RBKS: variants seen among roughly 807,000 people sequenced by gnomAD.
RBKS encodes the protein ribokinase.
In RBKS, 33 loss-of-function variants were observed where a neutral mutation model predicts 33.9. The observed-to-expected ratio is 0.97, with a 90% CI of 0.74 to 1.30. The LOEUF (loss-of-function observed/expected upper bound fraction) is 1.30, where lower values mean the gene tolerates loss of function less well. RBKS is among the 50% of genes most tolerant of loss of function. The pLI is 0.00. For missense variants in RBKS, 361 were observed against 392.6 expected, an observed-to-expected ratio of 0.92 and a Z score of 0.68; for synonymous variants, 125 against 143.0, an observed-to-expected ratio of 0.87 and a Z score of 0.90.
intron 7 of RBKS, among the ~76,000 whole-genome samples, chr2:27,825,164 A>T (rs964057657): frequency 2.0e-5 from 3 of 151,892 alleles, no homozygotes; most frequent in African/African-American, 7.3e-5. Flanking sequence ...AATTTTAGAT[A>T]TTATCTCTTG....
chr2:27,850,536 T>C (rs993457258), intron 2 of RBKS, among the ~76,000 whole-genome samples: 1 of 152,258 alleles, frequency 6.6e-6, no homozygotes, highest in Non-Finnish European at 1.5e-5. Flanking sequence ...TCCATAGTTT[T>C]GCCTTTTCCA....
At chr2:27,877,253 T>C (rs112087863) in intron 1 of RBKS, among the ~76,000 whole-genome samples, 660 of 152,160 alleles carry the variant, frequency 4.3e-3, no homozygotes, top group Middle Eastern at 0.014. Context: ...ATTATAAATA[T>C]CTTTGTTACA....
chr2:27,849,576 A>AG (rs1281030321), intron 2 of RBKS, among the ~76,000 whole-genome samples: 1 of 147,834 alleles, frequency 6.8e-6, no homozygotes, highest in Non-Finnish European at 1.5e-5. Flanking sequence ...AAAAAAAAAA[A>AG]AAAAAAAAAA....
chr2:27,844,830 C>T lies in RBKS; in HGVS notation c.350-1599G>A, dbSNP rs374062664. 9.9e-5 allele frequency among the ~76,000 whole-genome samples: 15 copies of T among 152,242 alleles called. 1 individual carries two copies. Among genetic ancestry groups the T allele is most frequent in the East Asian group, 9.6e-4 (5 of 5,188 alleles). ...CTACTAGACAATTTAAAATTCCACA[C>T]GAGGCTTGCATTTTATTTTTATTGG... On this transcript the variant is annotated intron_variant, in intron 4 of 7. Coordinates refer to ENST00000302188, the MANE Select transcript of RBKS (RefSeq NM_022128.3).
Position 27,843,216 on chromosome 2 carries a change from A to T in RBKS, c.365T>A (p.Val122Asp). Reference protein sequence around the residue: ...IVNNEGQNIIVIVAGANLLLN... With the variant: ...IVNNEGQNIIDIVAGANLLLN... ...AAGTAAATTTGCTCCAGCCACTATG[A>T]CAATGATATTCTGGCCTATAAAGAA... Residue 122 changes from valine (V) to aspartate (D), a missense_variant, in exon 5 of 8, where the codon GTC (valine) becomes GAC (aspartate). Coordinates refer to ENST00000302188, the MANE Select transcript of RBKS (RefSeq NM_022128.3). 1 of 1,608,856 alleles carries T rather than the reference A, an allele frequency of 6.2e-7. No homozygotes were observed. The highest frequency in any genetic ancestry group is 1.1e-5 in the South Asian group (1 of 89,788).
At chr2:27,803,921 C>T (rs949247404) in intron 7 of RBKS, among the ~76,000 whole-genome samples, 30 of 151,876 alleles carry the variant, frequency 2.0e-4, no homozygotes, top group South Asian at 8.3e-4. Flanking sequence ...CATGGTGGTG[C>T]GCACCTGTAA....
intron 2 of RBKS, among the ~76,000 whole-genome samples, chr2:27,848,586 T>C (rs1663670633): frequency 6.6e-6 from 1 of 152,168 alleles, no homozygotes; most frequent in Non-Finnish European, 1.5e-5. Context: ...TGGAATTGTG[T>C]TTTTGCATCC....
Position 27,795,973 on chromosome 2 carries a change from C to T in RBKS, c.796-14185G>A, listed in dbSNP as rs1677658064. Among the ~76,000 whole-genome samples the T allele has an allele frequency of 6.6e-6, 1 of 152,196 alleles. No individual in the cohort carries two copies. The highest frequency in any genetic ancestry group is 1.5e-5 in the Non-Finnish European group (1 of 68,020). On this transcript the variant is annotated intron_variant, in intron 7 of 7. Coordinates refer to ENST00000302188, the MANE Select transcript of RBKS (RefSeq NM_022128.3). The surrounding 1 kb of genome is among the most constrained non-coding windows in gnomAD (Gnocchi z 4.1). Reference sequence around the variant, plus strand: ...GCCTTGTCCCTTGCTTTGAGTTGACCTGACTTATTGGTCCTGGTTCTATCA... The same window carrying T: ...GCCTTGTCCCTTGCTTTGAGTTGACTTGACTTATTGGTCCTGGTTCTATCA...
At chr2:27,856,736 G>A (rs560506555) in intron 2 of RBKS, among the ~76,000 whole-genome samples, 107 of 152,106 alleles carry the variant, frequency 7.0e-4, no homozygotes, top group African/African-American at 2.1e-3. Context: ...AGCTTCCAAC[G>A]CCAATTCTAT....
chr2:27,804,428 A>C (rs1282136301), intron 7 of RBKS, among the ~76,000 whole-genome samples: 1 of 152,160 alleles, frequency 6.6e-6, no homozygotes, highest in Non-Finnish European at 1.5e-5. Flanking sequence ...GTCTCTAGAG[A>C]TTTGTTAAGT....
intron 4 of RBKS, among the ~76,000 whole-genome samples, chr2:27,845,480 T>G (rs1165545850): frequency 6.6e-6 from 1 of 152,126 alleles, no homozygotes; most frequent in Non-Finnish European, 1.5e-5. Flanking sequence ...GCATGGAAAA[T>G]GCAGATTTTG....
intron 1 of RBKS, among the ~76,000 whole-genome samples, chr2:27,868,248 T>G (rs1664137288): frequency 6.6e-6 from 1 of 152,208 alleles, no homozygotes; most frequent in South Asian, 2.1e-4. Context: ...AAATTTTAAT[T>G]TATCTACTAT....
intron 7 of RBKS, chr2:27,809,879 GTAAT>G: frequency 7.9e-7 from 1 of 1,259,586 alleles, no homozygotes; most frequent in Non-Finnish European, 1.0e-6. Context: ...AAAATTTTGA[GTAAT>G]TAGTCATTGC....
At chr2:27,862,336 G>A (rs1179324802) in intron 1 of RBKS, among the ~76,000 whole-genome samples, 1 of 152,158 alleles carries the variant, frequency 6.6e-6, no homozygotes, top group African/African-American at 2.4e-5. Context: ...TTAAATGACA[G>A]GTATTCACAA....
intron 7 of RBKS, among the ~76,000 whole-genome samples, chr2:27,814,447 AAAGG>A (rs1160464387): frequency 6.6e-6 from 1 of 152,128 alleles, no homozygotes; most frequent in African/African-American, 2.4e-5. Context: ...TAAAAGGAGG[AAAGG>A]AAGGAAGGAA....
chr2:27,885,011 G>C (rs1664500075), intron 1 of RBKS, among the ~76,000 whole-genome samples: 1 of 151,878 alleles, frequency 6.6e-6, no homozygotes, highest in Non-Finnish European at 1.5e-5. Flanking sequence ...CTCCGGGTTG[G>C]ACCTCTCCTT....
intron 7 of RBKS, among the ~76,000 whole-genome samples, chr2:27,812,407 C>A (rs1296612307): frequency 6.6e-6 from 1 of 152,196 alleles, no homozygotes; most frequent in Admixed American, 6.5e-5. Context: ...GACACATGCA[C>A]ACGTATGTTT....
At chr2:27,889,468 A>T (rs1664654570) in intron 1 of RBKS, among the ~76,000 whole-genome samples, 1 of 152,212 alleles carries the variant, frequency 6.6e-6, no homozygotes, top group African/African-American at 2.4e-5. Context: ...GGAATATCTG[A>T]ATTTATTACT....
chr2:27,805,763 C>T (rs528799581), intron 7 of RBKS, among the ~76,000 whole-genome samples: 3 of 151,936 alleles, frequency 2.0e-5, no homozygotes, highest in East Asian at 1.9e-4. Flanking sequence ...TTAGTAGAGA[C>T]GGGGTTTCAC....
Sources: allele counts gnomAD v4.1 joint callset (sites outside exome capture counted in the v4.1 genomes callset), GRCh38; gene constraint gnomAD v4.1.1; non-coding constraint Gnocchi (gnomAD v3.1); transcripts MANE v1.5; gene names NCBI Gene and HGNC (gene_info 2026-07-23, HGNC 2026-07-21).